Variants in NFATC1 observed in about 807,000 individuals in gnomAD.
The protein encoded by NFATC1 is nuclear factor of activated T cells 1, also known as nuclear factor of activated T-cells, cytoplasmic 1.
A neutral mutation model predicts 76.0 loss-of-function variants in NFATC1; 22 were observed. The ratio of observed to expected loss-of-function variants is 0.29; its 90% CI spans 0.21 to 0.41. The LOEUF is 0.41. NFATC1 is among the 10% of genes least tolerant of loss of function. NFATC1 has a pLI of 1.00. For synonymous variants in NFATC1, 704 were observed against 613.1 expected, an observed-to-expected ratio of 1.15 and a Z score of -2.19; for missense variants, 1,357 against 1,337.7, an observed-to-expected ratio of 1.01 and a Z score of -0.23.
intron 9 of NFATC1, among the ~76,000 whole-genome samples, chr18:79,520,647 TC>T (rs1376195754): frequency 1.6e-4 from 5 of 30,980 alleles, no homozygotes; most frequent in Admixed American, 5.8e-4. Context: ...TGTCTGTGTG[TC>T]GGGGGGGGCA....
chr18:79,501,499 A>G (rs2145137103), intron 9 of NFATC1, among the ~76,000 whole-genome samples: 1 of 152,324 alleles, frequency 6.6e-6, no homozygotes, highest in South Asian at 2.1e-4. Context: ...CCAGGTAAGA[A>G]ACAGAAATAA....
chr18:79,521,894 A>G (rs1360501802), intron 9 of NFATC1, among the ~76,000 whole-genome samples: 47 of 62,126 alleles, frequency 7.6e-4, no homozygotes, highest in South Asian at 8.2e-4. Context: ...GGGGGCATCC[A>G]CTGATGTGTA....
chr18:79,445,356 C>G (rs2087162054), intron 3 of NFATC1, among the ~76,000 whole-genome samples: 1 of 152,194 alleles, frequency 6.6e-6, no homozygotes, highest in Non-Finnish European at 1.5e-5. Flanking sequence ...CACGGGGTCT[C>G]TGATGCCTTC....
intron 6 of NFATC1, among the ~76,000 whole-genome samples, chr18:79,455,362 C>G (rs924727071): frequency 6.6e-6 from 1 of 151,020 alleles, no homozygotes; most frequent in African/African-American, 2.5e-5. Flanking sequence ...ACTGGCAGGC[C>G]AGCTGGGGCC....
rs1276093415 is a variant in NFATC1, at chr18:79,396,265, T to G, written c.41T>G (p.Leu14Arg). ...TSFPVPSKFP[L>R]GPAAAVFGRG... ...TTTCCAGTCCCTTCCAAGTTTCCAC[T>G]TGGCCCTGCGGCTGCGGTCTTCGGG... Residue 14 changes from leucine to arginine, a missense_variant, in exon 1 of 10, where the codon CTT becomes CGT. Around this residue, in one of 3 missense-constraint regions of NFATC1, gnomAD observed 691 missense variants for 613.1 expected, o/e 1.13. Transcript: ENST00000427363. The G allele has an allele frequency of 3.4e-6, 5 of 1,483,082 alleles. No homozygotes were observed. The highest frequency in any genetic ancestry group is 4.5e-6 in the Non-Finnish European group (5 of 1,108,138). The allele number at this position is 1,483,082 out of a possible 1,614,324, so 91.9% of individuals were successfully genotyped here.
chr18:79,509,285 C>T (rs933038087), intron 9 of NFATC1, among the ~76,000 whole-genome samples: 2 of 152,242 alleles, frequency 1.3e-5, no homozygotes, highest in African/African-American at 2.4e-5. Context: ...TGCAGATGTC[C>T]ACCGCGCCTG....
chr18:79,492,720 A>AG (rs1242605742), intron 9 of NFATC1, among the ~76,000 whole-genome samples: 3 of 150,492 alleles, frequency 2.0e-5, no homozygotes. Context: ...AAAAAAAAAA[A>AG]AAGATTAGCT....
intron 8 of NFATC1, among the ~76,000 whole-genome samples, chr18:79,474,458 C>T (rs542436651): frequency 1.2e-4 from 18 of 149,686 alleles, no homozygotes; most frequent in African/African-American, 3.5e-4. Context: ...CGCTCACTGT[C>T]GACGTTGTAA....
chr18:79,423,930 G>A (rs2086189435), intron 2 of NFATC1, among the ~76,000 whole-genome samples: 1 of 152,166 alleles, frequency 6.6e-6, no homozygotes, highest in Non-Finnish European at 1.5e-5. Context: ...AGTAGCCCGG[G>A]GCCTCTGGGT....
At chr18:79,469,187 G>GA (rs2088672501) in intron 8 of NFATC1, 2 of 322,288 alleles carry the variant, frequency 6.2e-6, no homozygotes, top group African/African-American at 4.5e-5. Flanking sequence ...ATCTTTTTCT[G>GA]AAAATATAAT....
intron 9 of NFATC1, among the ~76,000 whole-genome samples, chr18:79,512,007 G>A (rs1420248834): frequency 5.3e-5 from 8 of 152,234 alleles, no homozygotes; most frequent in Admixed American, 1.3e-4. Flanking sequence ...CCCAGGATGC[G>A]CAGGTGGCGG....
At chr18:79,412,459 C>G (rs2085727845) in intron 2 of NFATC1, among the ~76,000 whole-genome samples, 1 of 151,582 alleles carries the variant, frequency 6.6e-6, no homozygotes, top group African/African-American at 2.4e-5. Context: ...TTCGTCCCTC[C>G]CCACCCCCCA....
intron 9 of NFATC1, among the ~76,000 whole-genome samples, chr18:79,494,979 G>C (rs1008423446): frequency 1.3e-5 from 2 of 152,124 alleles, no homozygotes; most frequent in African/African-American, 4.8e-5. Context: ...GCGGGCACAC[G>C]CCCCCCATCA....
chr18:79,413,157 C>T (rs1005378807), intron 2 of NFATC1, among the ~76,000 whole-genome samples: 1 of 152,184 alleles, frequency 6.6e-6, no homozygotes, highest in Non-Finnish European at 1.5e-5. Context: ...TCGTCCATCA[C>T]CGCGGAACTT....
intron 7 of NFATC1, among the ~76,000 whole-genome samples, chr18:79,462,858 G>GTCCCTGCGGGTCGGGGAGTCTTGTGCA (rs1568992043): frequency 3.9e-5 from 6 of 152,062 alleles, no homozygotes; most frequent in African/African-American, 1.5e-4. Context: ...CTCAGTGTGT[G>GTCCCTGCGGGTCGGGGAGTCTTGTGCA]CAGTTGGAAG....
At chr18:79,407,759 T>C (rs755340935) in intron 1 of NFATC1, among the ~76,000 whole-genome samples, 2 of 152,246 alleles carry the variant, frequency 1.3e-5, no homozygotes, top group Non-Finnish European at 2.9e-5. Context: ...CCTTGATTTA[T>C]TGACATTACT....
At chr18:79,441,682 G>A (rs563563322) in intron 3 of NFATC1, among the ~76,000 whole-genome samples, 12 of 152,226 alleles carry the variant, frequency 7.9e-5, no homozygotes, top group African/African-American at 2.9e-4. Context: ...GGTGTCAGGC[G>A]ACGCGACTCT....
At position 79,484,900 on chromosome 18, in the gene NFATC1, G is replaced by A. The variant is rs144561692; in HGVS notation, c.2093-1348G>A. ...AGGCCGCACGTGGCACAGGTGCTCCGGCGTCTCGAGCTGCAGGAAAACGCC... is the reference window on the plus strand; with the variant it reads ...AGGCCGCACGTGGCACAGGTGCTCCAGCGTCTCGAGCTGCAGGAAAACGCC... On this transcript the variant is annotated intron_variant, in intron 8 of 9. Coordinates refer to ENST00000427363, the MANE Select transcript of NFATC1 (RefSeq NM_001278669.2). Among the ~76,000 whole-genome samples, 573 of 152,350 alleles carry A rather than the reference G, an allele frequency of 3.8e-3. 3 individuals are homozygous for A. The highest frequency in any genetic ancestry group is 0.013 in the African/African-American group (545 of 41,582).
chr18:79,427,103 A>G (rs1372404747), intron 2 of NFATC1, among the ~76,000 whole-genome samples: 1 of 151,936 alleles, frequency 6.6e-6, no homozygotes, highest in East Asian at 1.9e-4. Context: ...CCGGGTTCTT[A>G]GGTTAAGTGC....
Sources: gnomAD v4.1 joint callset for allele counts (sites outside exome capture counted in the v4.1 genomes callset) on GRCh38, gnomAD v4.1.1 for gene constraint, gnomAD v4.1.1 regional missense constraint, MANE v1.5 for transcripts, NCBI Gene and HGNC (gene_info 2026-07-23, HGNC 2026-07-21) for gene names.